Variants in ZNF705A observed in about 807,000 individuals in gnomAD.
The protein encoded by ZNF705A is zinc finger protein 705A.
Under a neutral mutation model 16.6 loss-of-function variants are expected in ZNF705A, and 8 were observed. The observed-to-expected ratio is 0.48, with a 90% CI of 0.28 to 0.87. The LOEUF is 0.87. ZNF705A is among the 40% of genes least tolerant of loss of function. The pLI, the probability that ZNF705A is intolerant of heterozygous loss-of-function variation, is 0.10. For synonymous variants in ZNF705A, 73 were observed against 117.3 expected, an observed-to-expected ratio of 0.62 and a Z score of 2.44; for missense variants, 233 against 359.9, an observed-to-expected ratio of 0.65 and a Z score of 2.85.
intron 1 of ZNF705A, 81 bp downstream of exon 1, chr12:8,157,173 A>G (rs766364233): frequency 1.3e-5 from 5 of 395,846 alleles, no homozygotes; most frequent in African/African-American, 1.0e-4. Context: ...TATGAATTCC[A>G]TGTAAGTCCT....
chr12:8,171,605 C>A (rs779464135), upstream of ZNF705A, among the ~76,000 whole-genome samples: 1 of 152,136 alleles, frequency 6.6e-6, no homozygotes, highest in South Asian at 2.1e-4. Context: ...ACTGTATGCA[C>A]AGGACAGAAA....
chr12:8,157,120 T>G (rs919027856), intron 1 of ZNF705A, 28 bp downstream of exon 1: 4 of 397,590 alleles, frequency 1.0e-5, no homozygotes, highest in African/African-American at 8.2e-5. Context: ...GTAATCAGAC[T>G]TCCTGTTCTA....
At chr12:8,178,889 T>C (rs4620796) in exon 5 of ZNF705A, 1 of 152,226 alleles carries the variant, frequency 6.6e-6, no homozygotes, top group African/African-American at 2.4e-5. Context: ...CCCCAGTCTT[T>C]AACAGCTCTT....
upstream of ZNF705A, among the ~76,000 whole-genome samples, chr12:8,169,514 A>G (rs908846272): frequency 6.6e-6 from 1 of 152,186 alleles, no homozygotes; most frequent in African/African-American, 2.4e-5. Context: ...TTGCATTTCT[A>G]TGTGTTCATT....
intron 1 of ZNF705A, among the ~76,000 whole-genome samples, chr12:8,160,514 G>A (rs974778209): frequency 6.7e-6 from 1 of 148,876 alleles, no homozygotes; most frequent in Non-Finnish European, 1.5e-5. Context: ...GTGTTTTATA[G>A]TTTTTCTTGC....
At chr12:8,168,703 G>A (rs1475142171), upstream of ZNF705A, 3 of 152,120 alleles carry the variant, frequency 2.0e-5, no homozygotes, top group Non-Finnish European at 4.4e-5. Context: ...TTACTGCATT[G>A]GACAATGCAG....
chr12:8,164,155 T>G (rs1256265959), intron 1 of ZNF705A, among the ~76,000 whole-genome samples: 1 of 152,224 alleles, frequency 6.6e-6, no homozygotes, highest in Non-Finnish European at 1.5e-5. Context: ...TATTCTTAGC[T>G]GTAAGCACTA....
chr12:8,171,348 CACAT>C (rs1162778933), upstream of ZNF705A, among the ~76,000 whole-genome samples: 2 of 152,166 alleles, frequency 1.3e-5, no homozygotes, highest in Non-Finnish European at 2.9e-5. Context: ...CTGTCTCAAA[CACAT>C]ACATTCATAT....
At chr12:8,169,478 T>C (rs1948427342), upstream of ZNF705A, among the ~76,000 whole-genome samples, 2 of 152,262 alleles carry the variant, frequency 1.3e-5, no homozygotes, top group Admixed American at 1.3e-4. Context: ...TAAAAAAATC[T>C]ATTCTCCTTT....
At chr12:8,172,341 C>T (rs1161509632), upstream of ZNF705A, among the ~76,000 whole-genome samples, 1 of 151,892 alleles carries the variant, frequency 6.6e-6, no homozygotes, top group East Asian at 1.9e-4. Context: ...TTCTCATTCA[C>T]AAGATATCTG....
upstream of ZNF705A, among the ~76,000 whole-genome samples, chr12:8,170,674 G>GT (rs1948438826): frequency 4.6e-5 from 7 of 152,264 alleles, no homozygotes; most frequent in South Asian, 1.5e-3. Flanking sequence ...CCGAAGCTTT[G>GT]TAGGCCTTCT....
upstream of ZNF705A, among the ~76,000 whole-genome samples, chr12:8,167,718 G>T (rs1310883365): frequency 1.3e-5 from 2 of 152,144 alleles, no homozygotes; most frequent in African/African-American, 4.8e-5. Context: ...CCAGTTACTG[G>T]CAGCATATCT....
At position 8,157,781 on chromosome 12, in the gene ZNF705A, T is replaced by C. The variant is rs763395240; in HGVS notation, c.-72+689T>C. On this transcript the variant is annotated intron_variant, in intron 1 of 5. Transcript: ENST00000396570. ...GTTTTTATACTTGTAAACTGTGAAA[T>C]GTTGACCTAAAAGGAAGGGGCTGAG... is the stretch of plus-strand genomic sequence containing the variant. Among the ~76,000 whole-genome samples, 9 of 152,282 alleles carry C rather than the reference T, an allele frequency of 5.9e-5. No homozygotes were observed. In the South Asian group the frequency reaches 1.7e-3, roughly 28 times the overall value.
chr12:8,164,524 C>T (rs1457284100), intron 1 of ZNF705A, among the ~76,000 whole-genome samples: 1 of 152,172 alleles, frequency 6.6e-6, no homozygotes, highest in African/African-American at 2.4e-5. Context: ...TGTGTTGTTC[C>T]CCTCCTAATA....
chr12:8,176,862 C>G, intron 4 of ZNF705A, 137 bp from the exon 6 acceptor site: 1 of 1,360,316 alleles, frequency 7.4e-7, no homozygotes, highest in South Asian at 1.4e-5. Context: ...ATTTAATTTC[C>G]TTTCACACAA....
chr12:8,176,016 C>A, intron 4 of ZNF705A, 74 bp downstream of exon 5: 16 of 1,592,762 alleles, frequency 1.0e-5, no homozygotes, highest in Non-Finnish European at 1.3e-5. Flanking sequence ...TAATGAAGCA[C>A]AATCACCTGA....
chr12:8,173,349 C>T (rs1948460090), intron 1 of ZNF705A, among the ~76,000 whole-genome samples: 1 of 152,052 alleles, frequency 6.6e-6, no homozygotes, highest in African/African-American at 2.4e-5. Flanking sequence ...ATTACGGTTG[C>T]ACACTCAGAA....
intron 1 of ZNF705A, among the ~76,000 whole-genome samples, chr12:8,158,058 G>A (rs989267507): frequency 3.3e-5 from 5 of 152,074 alleles, no homozygotes; most frequent in African/African-American, 1.2e-4. Context: ...AGTGTCCAGT[G>A]TGACATCATT....
upstream of ZNF705A, among the ~76,000 whole-genome samples, chr12:8,169,768 C>T (rs1035836047): frequency 1.3e-5 from 2 of 152,346 alleles, no homozygotes; most frequent in East Asian, 1.9e-4. Context: ...CCTAATACTT[C>T]ACTAAGGTGT....
Sources: gnomAD v4.1 joint callset for allele counts (sites outside exome capture counted in the v4.1 genomes callset) on GRCh38, gnomAD v4.1.1 for gene constraint, MANE v1.5 for transcripts, NCBI Gene and HGNC (gene_info 2026-07-23, HGNC 2026-07-21) for gene names.